UBE2G1: variants seen among roughly 807,000 people sequenced by gnomAD.
UBE2G1 encodes the protein ubiquitin-conjugating enzyme E2 G1.
UBE2G1 carries 5 observed loss-of-function variants against 22.7 expected under a neutral mutation model. That is an observed-to-expected ratio of 0.22 (90% confidence interval 0.12 to 0.46). The LOEUF is 0.46. Ranked by LOEUF, UBE2G1 falls within the 20% of genes least tolerant of loss-of-function variation. UBE2G1 has a pLI of 0.99. For missense variants in UBE2G1, 88 were observed against 203.9 expected (o/e 0.43, Z 3.46); for synonymous variants, 74 against 67.5 (o/e 1.10, Z -0.47).
intron 1 of UBE2G1, among the ~76,000 whole-genome samples, chr17:4,361,204 C>A (rs1214272101): frequency 6.6e-6 from 1 of 151,286 alleles, no homozygotes; most frequent in African/African-American, 2.4e-5. Flanking sequence ...GACTGGGTGA[C>A]AGAACAAGAC....
At chr17:4,354,192 C>A (rs1408620349) in intron 1 of UBE2G1, among the ~76,000 whole-genome samples, 2 of 152,122 alleles carry the variant, frequency 1.3e-5, no homozygotes. Flanking sequence ...GCCATGAACT[C>A]CTCCTCAAAG....
At chr17:4,287,562 T>TA (rs1373345294) in intron 4 of UBE2G1, among the ~76,000 whole-genome samples, 1 of 152,200 alleles carries the variant, frequency 6.6e-6, no homozygotes, top group Non-Finnish European at 1.5e-5. Context: ...CTTGATTAAA[T>TA]AGATAGTTTT....
chr17:4,363,105 A>G (rs1969987788), intron 1 of UBE2G1, among the ~76,000 whole-genome samples: 1 of 152,174 alleles, frequency 6.6e-6, no homozygotes, highest in Admixed American at 6.6e-5. Context: ...TGGGCAACAA[A>G]GTAAAACTCT....
At chr17:4,309,582 T>C (rs1034174786) in intron 1 of UBE2G1, among the ~76,000 whole-genome samples, 4 of 152,234 alleles carry the variant, frequency 2.6e-5, no homozygotes, top group Admixed American at 1.3e-4. Flanking sequence ...AAAGTCCCAC[T>C]TTCCTGTCAA....
At position 4,365,929 on chromosome 17, in the gene UBE2G1, C is replaced by G. The variant is rs1970028813; in HGVS notation, c.46+342G>C. Reference sequence around the variant, plus strand: ...GCCCCGGCAGCACCTGAACCCGGGACCCGCCCCTCCAAGCTGGCGGCCCCG... The same window carrying G: ...GCCCCGGCAGCACCTGAACCCGGGAGCCGCCCCTCCAAGCTGGCGGCCCCG... On this transcript the variant is annotated intron_variant, in intron 1 of 5. Transcript: ENST00000396981. Among the ~76,000 whole-genome samples, 6 of 152,200 alleles carry G rather than the reference C, an allele frequency of 3.9e-5. No homozygotes were observed. The South Asian group carries it at 1.2e-3, about 32-fold the overall frequency.
At chr17:4,361,508 C>G (rs911524984) in intron 1 of UBE2G1, among the ~76,000 whole-genome samples, 1 of 152,168 alleles carries the variant, frequency 6.6e-6, no homozygotes, top group Non-Finnish European at 1.5e-5. Context: ...GCCTGGGTGA[C>G]AGAGTGAGAC....
chr17:4,293,797 T>C (rs1474075042), intron 3 of UBE2G1, among the ~76,000 whole-genome samples: 1 of 152,204 alleles, frequency 6.6e-6, no homozygotes, highest in African/African-American at 2.4e-5. Flanking sequence ...TACTTCTCCT[T>C]TACCATTCAC....
intron 3 of UBE2G1, among the ~76,000 whole-genome samples, chr17:4,293,301 A>G (rs1306488001): frequency 6.6e-6 from 1 of 152,242 alleles, no homozygotes; most frequent in African/African-American, 2.4e-5. Flanking sequence ...TCTATGTTGT[A>G]GCAAGTATCA....
chr17:4,313,176 A>AT (rs1219936449), intron 1 of UBE2G1, among the ~76,000 whole-genome samples: 1 of 152,254 alleles, frequency 6.6e-6, no homozygotes, highest in African/African-American at 2.4e-5. Context: ...AAAACATAGA[A>AT]TAGTGTTTTT....
chr17:4,294,454 A>AC (rs1969084342), intron 3 of UBE2G1, among the ~76,000 whole-genome samples: 1 of 150,524 alleles, frequency 6.6e-6, no homozygotes, highest in African/African-American at 2.5e-5. Flanking sequence ...AGAAACGAAA[A>AC]GAAAAGAAAA....
chr17:4,298,731 T>A (rs1486806571), intron 2 of UBE2G1, among the ~76,000 whole-genome samples: 1 of 152,052 alleles, frequency 6.6e-6, no homozygotes, highest in Non-Finnish European at 1.5e-5. Context: ...AACAGGACAA[T>A]TTATACAAAA....
intron 5 of UBE2G1, among the ~76,000 whole-genome samples, chr17:4,274,479 G>A (rs952527853): frequency 1.3e-5 from 2 of 152,080 alleles, no homozygotes; most frequent in African/African-American, 2.4e-5. Flanking sequence ...TTAGAGGCGT[G>A]AGCCACCACG....
chr17:4,308,784 C>T (rs1401602979), intron 1 of UBE2G1, among the ~76,000 whole-genome samples: 1 of 152,206 alleles, frequency 6.6e-6, no homozygotes, highest in Non-Finnish European at 1.5e-5. Flanking sequence ...TGCCATCATT[C>T]TCAGGCAGCT....
At chr17:4,274,236 C>T (rs1475014020) in intron 5 of UBE2G1, among the ~76,000 whole-genome samples, 5 of 121,980 alleles carry the variant, frequency 4.1e-5, no homozygotes, top group South Asian at 2.7e-4. Flanking sequence ...CTTGCTCTGT[C>T]GCCCAGGCTG....
chr17:4,357,556 C>T (rs1357178399), intron 1 of UBE2G1, among the ~76,000 whole-genome samples: 2 of 143,940 alleles, frequency 1.4e-5, no homozygotes, highest in African/African-American at 2.6e-5. Flanking sequence ...ATCACATTTG[C>T]AGATGTGTGT....
At chr17:4,359,819 T>C (rs867760875) in intron 1 of UBE2G1, among the ~76,000 whole-genome samples, 18 of 134,778 alleles carry the variant, frequency 1.3e-4, no homozygotes, top group African/African-American at 4.2e-4. Context: ...GCCACTATAC[T>C]CCAGCCTGGG....
intron 5 of UBE2G1, among the ~76,000 whole-genome samples, chr17:4,280,196 T>C (rs1436910372): frequency 6.6e-6 from 1 of 151,138 alleles, no homozygotes; most frequent in Non-Finnish European, 1.5e-5. Context: ...CCACTGCACA[T>C]GGCTAATTTT....
intron 1 of UBE2G1, among the ~76,000 whole-genome samples, chr17:4,309,747 A>G (rs1347050950): frequency 6.6e-6 from 1 of 152,232 alleles, no homozygotes; most frequent in Non-Finnish European, 1.5e-5. Flanking sequence ...AAGATTCTAT[A>G]ATATATCCAG....
chr17:4,355,369 G>C (rs551816040), intron 1 of UBE2G1, among the ~76,000 whole-genome samples: 1 of 150,824 alleles, frequency 6.6e-6, no homozygotes, highest in Non-Finnish European at 1.5e-5. Context: ...GGCTGGGAGC[G>C]ATGGCTCAAG....
Sources: gnomAD v4.1 joint callset for allele counts (sites outside exome capture counted in the v4.1 genomes callset) on GRCh38, gnomAD v4.1.1 for gene constraint, MANE v1.5 for transcripts, NCBI Gene and HGNC (gene_info 2026-07-23, HGNC 2026-07-21) for gene names.